Variants in CTNNA2 observed in about 807,000 individuals in gnomAD.
CTNNA2 encodes the protein catenin alpha 2, also known as catenin alpha-2.
CTNNA2 carries 42 observed loss-of-function variants against 101.0 expected under a neutral mutation model. The observed-to-expected ratio is 0.42, with a 90% confidence interval of 0.32 to 0.54. The LOEUF (loss-of-function observed/expected upper bound fraction) is 0.54. CTNNA2 is among the 20% of genes least tolerant of loss of function. The probability of loss-of-function intolerance (pLI) is 0.14; values close to 1 mark genes in which losing one functional copy is unlikely to be tolerated. For missense variants in CTNNA2, 871 were observed against 1,223.1 expected, an observed-to-expected ratio of 0.71 and a Z score of 4.29; for synonymous variants, 450 against 456.4, an observed-to-expected ratio of 0.99 and a Z score of 0.18.
At chr2:79,630,763 C>T (rs542639104) in intron 1 of CTNNA2, among the ~76,000 whole-genome samples, 3 of 152,260 alleles carry the variant, frequency 2.0e-5, no homozygotes, top group Admixed American at 6.5e-5. Flanking sequence ...GCGATGGTGA[C>T]GTAGGAGCCA....
intron 18 of CTNNA2, among the ~76,000 whole-genome samples, chr2:80,644,789 G>A (rs932027056): frequency 2.0e-5 from 3 of 152,148 alleles, no homozygotes; most frequent in African/African-American, 7.2e-5. Context: ...TTCAAGATCT[G>A]CCTTAGCAGG....
intron 2 of CTNNA2, among the ~76,000 whole-genome samples, chr2:79,684,393 A>G (rs917031440): frequency 2.0e-5 from 3 of 152,206 alleles, no homozygotes; most frequent in Non-Finnish European, 2.9e-5. Context: ...CTAATAGATC[A>G]TGACCTATAG....
chr2:80,374,822 C>A (rs1675785892), intron 7 of CTNNA2, among the ~76,000 whole-genome samples: 2 of 151,850 alleles, frequency 1.3e-5, no homozygotes, highest in African/African-American at 4.8e-5. Flanking sequence ...TCGTATCGCC[C>A]AAATATAGTC....
chr2:79,648,073 G>A (rs1680948390), intron 1 of CTNNA2, among the ~76,000 whole-genome samples: 1 of 152,168 alleles, frequency 6.6e-6, no homozygotes, highest in Non-Finnish European at 1.5e-5. Flanking sequence ...ATGGAGGTGA[G>A]GATGGGAAGG....
At chr2:79,609,922 A>C (rs1678154129) in intron 1 of CTNNA2, among the ~76,000 whole-genome samples, 1 of 152,162 alleles carries the variant, frequency 6.6e-6, no homozygotes, top group African/African-American at 2.4e-5. Context: ...CAAATCAATA[A>C]ATTGAGCTTC....
intron 7 of CTNNA2, among the ~76,000 whole-genome samples, chr2:80,109,967 G>T (rs1353550356): frequency 6.6e-6 from 1 of 152,150 alleles, no homozygotes; most frequent in Non-Finnish European, 1.5e-5. Flanking sequence ...TGTACATTTT[G>T]ATAAGAGCTG....
At chr2:79,769,972 T>G (rs535295837) in intron 3 of CTNNA2, among the ~76,000 whole-genome samples, 6 of 152,346 alleles carry the variant, frequency 3.9e-5, no homozygotes, top group Non-Finnish European at 7.3e-5. Flanking sequence ...AACTGAGTTT[T>G]AAAATTCATT....
At chr2:80,583,932 A>G (rs999270888) in intron 14 of CTNNA2, among the ~76,000 whole-genome samples, 1 of 152,156 alleles carries the variant, frequency 6.6e-6, no homozygotes, top group Non-Finnish European at 1.5e-5. Flanking sequence ...CAAATTCAGC[A>G]CTTGCTCATT....
At chr2:79,997,352 GAAGGAAAAGAA>G (rs1237602642) in intron 7 of CTNNA2, among the ~76,000 whole-genome samples, 2 of 149,086 alleles carry the variant, frequency 1.3e-5, no homozygotes, top group Non-Finnish European at 3.0e-5. Flanking sequence ...AAAAGAAAAG[GAAGGAAAAGAA>G]AAAAGAAAAG....
chr2:79,806,280 A>T (rs1213652595), intron 3 of CTNNA2, among the ~76,000 whole-genome samples: 2 of 152,144 alleles, frequency 1.3e-5, no homozygotes, highest in East Asian at 3.9e-4. Flanking sequence ...GAGTACGTGA[A>T]GGGAGCATAT....
chr2:79,245,788 C>G (rs1674692454), intron 2 of CTNNA2, among the ~76,000 whole-genome samples: 2 of 152,110 alleles, frequency 1.3e-5, no homozygotes, highest in Admixed American at 1.3e-4. Context: ...GGTCCCAGCC[C>G]CAAATGTCTT....
At chr2:79,934,419 A>G (rs1436563223) in intron 7 of CTNNA2, among the ~76,000 whole-genome samples, 1 of 152,250 alleles carries the variant, frequency 6.6e-6, no homozygotes, top group African/African-American at 2.4e-5. Context: ...CAACTCTACA[A>G]AATTGTTGAG....
intron 4 of CTNNA2, among the ~76,000 whole-genome samples, chr2:79,380,543 A>G (rs1174862592): frequency 6.6e-6 from 1 of 152,164 alleles, no homozygotes; most frequent in East Asian, 1.9e-4. Flanking sequence ...AGTTACTCTA[A>G]GCAGTCCAAA....
chr2:80,563,366 A>G (rs949737827), intron 12 of CTNNA2, among the ~76,000 whole-genome samples: 2 of 152,228 alleles, frequency 1.3e-5, no homozygotes, highest in Non-Finnish European at 2.9e-5. Flanking sequence ...ATATGCTAAC[A>G]GCCACTCATT....
At chr2:80,214,462 T>C (rs112938293) in intron 7 of CTNNA2, among the ~76,000 whole-genome samples, 4,481 of 152,234 alleles carry the variant, frequency 0.029, 234 homozygotes, top group African/African-American at 0.1. Flanking sequence ...TATTTCTCCT[T>C]CACTTATGAA....
chr2:80,255,558 C>A (rs1672079368), intron 7 of CTNNA2, among the ~76,000 whole-genome samples: 1 of 152,144 alleles, frequency 6.6e-6, no homozygotes, highest in Non-Finnish European at 1.5e-5. Flanking sequence ...AAATGACTAA[C>A]TTGTTTCAAA....
At chr2:80,469,652 G>A (rs1011936873) in intron 9 of CTNNA2, among the ~76,000 whole-genome samples, 5 of 152,184 alleles carry the variant, frequency 3.3e-5, no homozygotes, top group Non-Finnish European at 7.3e-5. Flanking sequence ...TCAGGGGTTG[G>A]ATTTCATTGC....
rs755834444 is a variant in CTNNA2 at position 80,152,942 on chromosome 2, C to A, written c.1057-240269C>A. 6.6e-5 allele frequency among the ~76,000 whole-genome samples: 10 copies of A among 152,302 alleles called. No individual in the cohort carries two copies. In the East Asian group the frequency reaches 7.7e-4, roughly 12 times the overall value. The stretch of plus-strand genomic sequence containing the variant: ...TGCACCTTCCCTTCAAGAACTTCAG[C>A]CTTTTATATTCTTCCCAAATAGCTA... On this transcript the variant is annotated intron_variant, in intron 7 of 18. Coordinates refer to ENST00000402739, the MANE Select transcript of CTNNA2 (RefSeq NM_001282597.3).
At chr2:79,338,622 C>CTTCTTCTTCTTCTTCTTA (rs1677059952) in intron 3 of CTNNA2, among the ~76,000 whole-genome samples, 1 of 149,692 alleles carries the variant, frequency 6.7e-6, no homozygotes, top group African/African-American at 2.5e-5. Context: ...TCTTCTTCTT[C>CTTCTTCTTCTTCTTCTTA]TTCTTCTTCT....
Sources: allele counts gnomAD v4.1 joint callset (sites outside exome capture counted in the v4.1 genomes callset), GRCh38; gene constraint gnomAD v4.1.1; transcripts MANE v1.5; gene names NCBI Gene and HGNC (gene_info 2026-07-23, HGNC 2026-07-21).